Variants in MYRIP observed in about 807,000 individuals in gnomAD.
MYRIP encodes rab effector MyRIP.
A neutral mutation model predicts 98.0 loss-of-function variants in MYRIP; 49 were observed. That is an observed-to-expected ratio of 0.50 (90% CI 0.40 to 0.63). The LOEUF (loss-of-function observed/expected upper bound fraction) is 0.63, where lower values mean the gene tolerates loss of function less well. Ranked by LOEUF, MYRIP falls within the 30% of genes least tolerant of loss-of-function variation. MYRIP has a pLI of 0.00. For synonymous variants in MYRIP, 404 were observed against 409.5 expected (o/e 0.99, Z 0.16); for missense variants, 1,004 against 1,058.2 (o/e 0.95, Z 0.71).
At chr3:40,156,063 T>C (rs1327602092) in intron 4 of MYRIP, among the ~76,000 whole-genome samples, 2 of 152,086 alleles carry the variant, frequency 1.3e-5, no homozygotes, top group East Asian at 1.9e-4. Flanking sequence ...ATGAAGTCCT[T>C]GCCCATGCCT....
chr3:39,916,303 TA>T (rs1175737078), intron 2 of MYRIP, among the ~76,000 whole-genome samples: 5 of 151,838 alleles, frequency 3.3e-5, no homozygotes, highest in Admixed American at 2.0e-4. Flanking sequence ...AACTAAAAGA[TA>T]AGACAGCTCA....
chr3:40,070,444 G>A (rs1221837755), intron 3 of MYRIP, among the ~76,000 whole-genome samples: 2 of 152,182 alleles, frequency 1.3e-5, no homozygotes, highest in Non-Finnish European at 2.9e-5. Context: ...AGTCACCTGT[G>A]AGCATGGATT....
intron 2 of MYRIP, among the ~76,000 whole-genome samples, chr3:39,909,143 A>G (rs1943955444): frequency 6.6e-6 from 1 of 152,016 alleles, no homozygotes; most frequent in South Asian, 2.1e-4. Flanking sequence ...GTGATGGGGG[A>G]AGGCCTAGGA....
intron 1 of MYRIP, among the ~76,000 whole-genome samples, chr3:39,813,041 G>A (rs1940753087): frequency 6.6e-6 from 1 of 152,170 alleles, no homozygotes; most frequent in Admixed American, 6.5e-5. Flanking sequence ...AAGGTGGTGT[G>A]TCCTTGTGAT....
rs547683859 is a variant in MYRIP at position 40,226,602 on chromosome 3, A to G, written c.1906-7257A>G. Among the ~76,000 whole-genome samples, 3 of 152,310 alleles carry G rather than the reference A, an allele frequency of 2.0e-5. No individual in the cohort carries two copies. In the South Asian group the frequency reaches 6.2e-4, roughly 32 times the overall value. ...AGCATGTTAAAAGCCTGGGCTTTAA[A>G]ACCAGGCAGACCCTAATACAAATCC... On this transcript the variant is annotated intron_variant, in intron 11 of 16. Coordinates refer to ENST00000302541, the MANE Select transcript of MYRIP (RefSeq NM_015460.4).
intron 12 of MYRIP, among the ~76,000 whole-genome samples, chr3:40,237,695 A>G (rs1278707582): frequency 6.6e-6 from 1 of 152,224 alleles, no homozygotes; most frequent in Non-Finnish European, 1.5e-5. Context: ...TGTTCTTTAA[A>G]TGTGTCTCTA....
At chr3:40,210,497 T>A (rs188221718) in intron 11 of MYRIP, among the ~76,000 whole-genome samples, 16 of 152,268 alleles carry the variant, frequency 1.1e-4, no homozygotes, top group Non-Finnish European at 2.4e-4. Flanking sequence ...AACCCCTCTT[T>A]TAATCAGTGA....
At chr3:40,151,608 C>G (rs535372255) in intron 4 of MYRIP, among the ~76,000 whole-genome samples, 246 of 152,272 alleles carry the variant, frequency 1.6e-3, no homozygotes, top group African/African-American at 4.3e-3. Flanking sequence ...GTTCTTATGG[C>G]CCAGAAGGTG....
At chr3:40,170,134 A>G in intron 8 of MYRIP, 41 bp downstream of exon 8, 1 of 1,606,420 alleles carries the variant, frequency 6.2e-7, no homozygotes, top group East Asian at 2.2e-5. Context: ...CCACACGTGC[A>G]GGTCTGGGGC....
chr3:40,184,884 A>G (rs1950985583), intron 9 of MYRIP, among the ~76,000 whole-genome samples: 1 of 152,204 alleles, frequency 6.6e-6, no homozygotes, highest in Non-Finnish European at 1.5e-5. Context: ...TCAAAACTCT[A>G]TGCATCTCTC....
chr3:40,021,201 T>C (rs1158052224), intron 2 of MYRIP, among the ~76,000 whole-genome samples: 3 of 152,202 alleles, frequency 2.0e-5, no homozygotes, highest in Admixed American at 6.5e-5. Context: ...GATTTTTTGA[T>C]AGTTTTTGTA....
intron 3 of MYRIP, among the ~76,000 whole-genome samples, chr3:40,067,550 TA>T (rs1948148063): frequency 1.3e-5 from 2 of 152,128 alleles, no homozygotes; most frequent in Non-Finnish European, 2.9e-5. Context: ...GTGGCAACAG[TA>T]GACTCTACTG....
At chr3:39,864,460 A>G (rs558379598) in intron 1 of MYRIP, among the ~76,000 whole-genome samples, 1 of 152,304 alleles carries the variant, frequency 6.6e-6, no homozygotes, top group South Asian at 2.1e-4. Flanking sequence ...GTTTCAGGAT[A>G]CAAAAATAAG....
chr3:40,125,561 G>A (rs1417853439), intron 3 of MYRIP, among the ~76,000 whole-genome samples: 1 of 152,124 alleles, frequency 6.6e-6, no homozygotes, highest in Non-Finnish European at 1.5e-5. Context: ...ACATACCCAG[G>A]ATCAATACTT....
At chr3:39,931,506 C>G (rs1356953280) in intron 2 of MYRIP, among the ~76,000 whole-genome samples, 1 of 151,246 alleles carries the variant, frequency 6.6e-6, no homozygotes, top group African/African-American at 2.4e-5. Context: ...TCTCTTAATT[C>G]CTTTTTTTCC....
chr3:39,993,390 T>C (rs1257077596), intron 2 of MYRIP, among the ~76,000 whole-genome samples: 1 of 152,198 alleles, frequency 6.6e-6, no homozygotes, highest in East Asian at 1.9e-4. Flanking sequence ...TTTAGTCTTT[T>C]TGTCCTTTCT....
At chr3:39,972,507 C>A (rs995284692) in intron 2 of MYRIP, among the ~76,000 whole-genome samples, 1 of 151,976 alleles carries the variant, frequency 6.6e-6, no homozygotes, top group Non-Finnish European at 1.5e-5. Context: ...ATAAACATTG[C>A]TTTTTAAGAC....
intron 3 of MYRIP, among the ~76,000 whole-genome samples, chr3:40,146,141 A>G (rs556918770): frequency 6.6e-6 from 1 of 152,062 alleles, no homozygotes; most frequent in African/African-American, 2.4e-5. Flanking sequence ...ATCACTAAAT[A>G]GCAGGTACAA....
chr3:40,128,141 A>G (rs1370052585), intron 3 of MYRIP, among the ~76,000 whole-genome samples: 1 of 152,208 alleles, frequency 6.6e-6, no homozygotes, highest in African/African-American at 2.4e-5. Flanking sequence ...CACCCGGTTC[A>G]AGAGGCCAAA....
Sources: gnomAD v4.1 joint callset for allele counts (sites outside exome capture counted in the v4.1 genomes callset) on GRCh38, gnomAD v4.1.1 for gene constraint, MANE v1.5 for transcripts, NCBI Gene and HGNC (gene_info 2026-07-23, HGNC 2026-07-21) for gene names.